The following SBF2 variants were observed in gnomAD, a reference collection of about 807,000 sequenced individuals.
SBF2 encodes the protein SET binding factor 2.
SBF2 carries 112 observed loss-of-function variants against 225.2 expected under a neutral mutation model. That is an observed-to-expected ratio of 0.50 (90% CI 0.43 to 0.58). The LOEUF is 0.58. Ranked by LOEUF, SBF2 falls within the 20% of genes least tolerant of loss-of-function variation. SBF2 has a pLI of 0.00. For missense variants in SBF2, 1,996 were observed against 2,206.2 expected (o/e 0.90, Z 1.91); for synonymous variants, 763 against 773.3 (o/e 0.99, Z 0.22).
intron 28 of SBF2, chr11:9,828,002 AGAAGAGG>A: frequency 2.1e-6 from 1 of 469,344 alleles, no homozygotes. Flanking sequence ...CCATTCATTC[AGAAGAGG>A]GTAATTAAGA....
chr11:9,949,774 C>A (rs1325695241), intron 16 of SBF2, among the ~76,000 whole-genome samples: 1 of 152,002 alleles, frequency 6.6e-6, no homozygotes, highest in Non-Finnish European at 1.5e-5. Context: ...TCGAGATTCA[C>A]GTTTTATTAA....
At chr11:9,935,339 T>C (rs910715658) in intron 16 of SBF2, among the ~76,000 whole-genome samples, 1 of 152,202 alleles carries the variant, frequency 6.6e-6, no homozygotes, top group Non-Finnish European at 1.5e-5. Flanking sequence ...TCCATGCTCA[T>C]GGATAGGAAG....
intron 1 of SBF2, among the ~76,000 whole-genome samples, chr11:10,203,148 G>T (rs1424093130): frequency 4.6e-5 from 7 of 152,054 alleles, no homozygotes; most frequent in Non-Finnish European, 7.4e-5. Context: ...GGAATCTAGG[G>T]AACCCAAAGA....
At chr11:10,152,242 T>C (rs1234729503) in intron 2 of SBF2, among the ~76,000 whole-genome samples, 1 of 152,168 alleles carries the variant, frequency 6.6e-6, no homozygotes, top group Non-Finnish European at 1.5e-5. Context: ...GGAAGGCATA[T>C]TTATTAATTA....
At chr11:10,137,283 A>G (rs1348897094) in intron 2 of SBF2, among the ~76,000 whole-genome samples, 1 of 152,202 alleles carries the variant, frequency 6.6e-6, no homozygotes, top group Non-Finnish European at 1.5e-5. Flanking sequence ...TATTAGTTCT[A>G]GATGTGTTTT....
At chr11:9,917,551 T>C (rs4466826) in intron 16 of SBF2, among the ~76,000 whole-genome samples, 79,895 of 151,134 alleles carry the variant, frequency 0.53, 22,088 homozygotes, top group African/African-American at 0.63. Flanking sequence ...AGGCTGGTCT[T>C]GAACTCCTGA....
chr11:10,274,688 T>C (rs950638212), intron 1 of SBF2, among the ~76,000 whole-genome samples: 1 of 150,506 alleles, frequency 6.6e-6, no homozygotes, highest in African/African-American at 2.4e-5. Flanking sequence ...GAGGTGGAGA[T>C]TGCAGTGAGC....
chr11:10,072,189 T>C (rs1388736101), intron 2 of SBF2, among the ~76,000 whole-genome samples: 3 of 152,242 alleles, frequency 2.0e-5, no homozygotes. Context: ...ATACCTAATT[T>C]TGACTTTTAA....
At chr11:10,286,351 G>T (rs1445119758) in intron 1 of SBF2, among the ~76,000 whole-genome samples, 5 of 142,626 alleles carry the variant, frequency 3.5e-5, no homozygotes, top group African/African-American at 5.2e-5. Flanking sequence ...TTGTTCTTTG[G>T]TTTTTTTTTT....
In SBF2 at chr11:10,303,700, GGCCTCTCCGTCGAGTC is replaced by G. The variant is rs1055163737; in HGVS notation, n.386+776_386+791del. 6.6e-6 allele frequency: 1 copy of G among 152,248 alleles called. No homozygotes were observed. Among genetic ancestry groups the G allele is most frequent in the African/African-American group, 2.4e-5 (1 of 41,444 alleles). The allele number at this position is 152,248 out of a possible 1,614,324, so 9.4% of individuals were successfully genotyped here. Reference sequence around the variant, plus strand: ...GTTTGGCTAGTGGTCTCGCACCTTTGGCCTCTCCGTCGAGTCGCTGGGCTTCAGGACATTCGATTAG... The same window carrying G: ...GTTTGGCTAGTGGTCTCGCACCTTTGGCTGGGCTTCAGGACATTCGATTAG... On this transcript the variant is annotated intron_variant and non_coding_transcript_variant, in intron 1 of 5. Transcript: ENST00000685217. This position sits in a 1 kb window ranked among gnomAD's most constrained non-coding sequence, Gnocchi z 5.2.
At chr11:10,075,899 G>GTTT (rs776537276) in intron 2 of SBF2, among the ~76,000 whole-genome samples, 2 of 146,194 alleles carry the variant, frequency 1.4e-5, no homozygotes, top group African/African-American at 2.5e-5. Flanking sequence ...ATTTCTGGTA[G>GTTT]TTTTTTTTTT....
Position 9,874,693 on chromosome 11 carries a change from G to A in SBF2, c.1930-16297C>T, listed in dbSNP as rs1859069463. On this transcript the variant is annotated intron_variant, in intron 17 of 39. Transcript: ENST00000256190. ...CAGCCAGCCAGTGTGATTCACTGAG[G>A]TACTGCCTACACAAATTAGAGGCTA... Among the ~76,000 whole-genome samples the A allele has an allele frequency of 2.6e-5, 4 of 152,180 alleles. No individual in the cohort carries two copies. The South Asian group carries it at 8.3e-4, about 31-fold the overall frequency.
chr11:10,241,789 T>C (rs1046527814), intron 1 of SBF2, among the ~76,000 whole-genome samples: 2 of 152,046 alleles, frequency 1.3e-5, no homozygotes, highest in African/African-American at 4.8e-5. Flanking sequence ...CATTTCTCCA[T>C]GGAAACACAA....
intron 36 of SBF2, among the ~76,000 whole-genome samples, chr11:9,785,628 G>A (rs1169560723): frequency 3.3e-5 from 5 of 152,124 alleles, no homozygotes; most frequent in African/African-American, 4.8e-5. Flanking sequence ...TTGGGAGGCC[G>A]AGGTGAGTGG....
At chr11:9,809,644 A>C (rs1039236020) in intron 30 of SBF2, among the ~76,000 whole-genome samples, 1 of 150,996 alleles carries the variant, frequency 6.6e-6, no homozygotes, top group Non-Finnish European at 1.5e-5. Context: ...CCCCGGGTTC[A>C]AGCGATTCTC....
intron 2 of SBF2, among the ~76,000 whole-genome samples, chr11:10,173,565 G>A (rs1028584549): frequency 6.6e-6 from 1 of 152,228 alleles, no homozygotes; most frequent in Admixed American, 6.5e-5. Flanking sequence ...AAACTGCAAG[G>A]CGGCAGCGAG....
chr11:9,911,956 A>G (rs1163184453), intron 16 of SBF2, among the ~76,000 whole-genome samples: 3 of 152,266 alleles, frequency 2.0e-5, no homozygotes, highest in South Asian at 4.1e-4. Flanking sequence ...GGCCACATGC[A>G]GCCCAGGACA....
intron 1 of SBF2, among the ~76,000 whole-genome samples, chr11:10,237,081 G>A (rs1253773415): frequency 6.6e-6 from 1 of 152,132 alleles, no homozygotes; most frequent in East Asian, 1.9e-4. Flanking sequence ...AAGGAATGTG[G>A]AACAAAAACT....
chr11:9,803,084 C>T (rs1853584260), intron 32 of SBF2, among the ~76,000 whole-genome samples: 1 of 152,050 alleles, frequency 6.6e-6, no homozygotes, highest in South Asian at 2.1e-4. Context: ...GTCTCTAGAT[C>T]CTGAACAATA....
Sources: allele counts gnomAD v4.1 joint callset (sites outside exome capture counted in the v4.1 genomes callset), GRCh38; gene constraint gnomAD v4.1.1; non-coding constraint Gnocchi (gnomAD v3.1); transcripts MANE v1.5; gene names NCBI Gene and HGNC (gene_info 2026-07-23, HGNC 2026-07-21).